The following MACROD2 variants were observed in gnomAD, a reference collection of about 807,000 sequenced individuals.
The protein encoded by MACROD2 is mono-ADP ribosylhydrolase 2.
MACROD2 carries 36 observed loss-of-function variants against 70.4 expected under a neutral mutation model. The ratio of observed to expected loss-of-function variants is 0.51; its 90% CI spans 0.39 to 0.68. MACROD2 has a LOEUF of 0.68. MACROD2 is among the 30% of genes least tolerant of loss of function. The probability of loss-of-function intolerance (pLI) is 0.00; values close to 1 mark genes in which losing one functional copy is unlikely to be tolerated. For synonymous variants in MACROD2, 172 were observed against 178.8 expected (o/e 0.96, Z 0.30); for missense variants, 496 against 538.4 (o/e 0.92, Z 0.78).
At chr20:15,852,531 G>A (rs761217254) in intron 8 of MACROD2, among the ~76,000 whole-genome samples, 10 of 152,192 alleles carry the variant, frequency 6.6e-5, no homozygotes, top group Non-Finnish European at 5.9e-5. Flanking sequence ...GATTGAAGTA[G>A]CAGGTTCTGT....
At chr20:14,384,901 C>T (rs184764868) in intron 3 of MACROD2, among the ~76,000 whole-genome samples, 1 of 152,060 alleles carries the variant, frequency 6.6e-6, no homozygotes, top group Admixed American at 6.5e-5. Flanking sequence ...AAGTTCTTTC[C>T]CTGCCAAGAA....
intron 6 of MACROD2, among the ~76,000 whole-genome samples, chr20:15,413,534 C>T (rs1334656024): frequency 3.9e-5 from 6 of 152,000 alleles, no homozygotes; most frequent in Non-Finnish European, 7.4e-5. Flanking sequence ...GAAGACTTCC[C>T]CTCAGTTAGA....
At position 15,793,426 on chromosome 20, in the gene MACROD2, T is replaced by C. The variant is rs545989873; in HGVS notation, c.646-69319T>C. 2.5e-3 allele frequency among the ~76,000 whole-genome samples: 386 copies of C among 152,314 alleles called. 4 individuals carry two copies. Among genetic ancestry groups the C allele is most frequent in the African/African-American group, 8.8e-3 (367 of 41,572 alleles). Reference sequence around the variant, plus strand: ...CTAGGCTTTTCACTTGATATCTTCCTGTTCATTTAATTTTTAGAAATAGTA... The same window carrying C: ...CTAGGCTTTTCACTTGATATCTTCCCGTTCATTTAATTTTTAGAAATAGTA... On this transcript the variant is annotated intron_variant, in intron 8 of 17. Transcript: ENST00000684519.
intron 6 of MACROD2, among the ~76,000 whole-genome samples, chr20:15,295,975 C>G (rs1429284192): frequency 6.6e-6 from 1 of 152,188 alleles, no homozygotes; most frequent in Non-Finnish European, 1.5e-5. Context: ...CCAGCATGAG[C>G]ACAATCCTAT....
chr20:14,964,889 T>A (rs1320002441), intron 5 of MACROD2, among the ~76,000 whole-genome samples: 1 of 152,176 alleles, frequency 6.6e-6, no homozygotes, highest in Non-Finnish European at 1.5e-5. Flanking sequence ...GAAGCAGGTA[T>A]AGGCGGAATA....
At chr20:13,996,392 T>C (rs1443412632) in intron 1 of MACROD2, 1 of 160,276 alleles carries the variant, frequency 6.2e-6, no homozygotes, top group East Asian at 1.9e-4. Context: ...CCTGGAACTC[T>C]AGGGGAGCCC....
At chr20:15,941,093 C>T (rs940990952) in intron 12 of MACROD2, among the ~76,000 whole-genome samples, 1 of 152,084 alleles carries the variant, frequency 6.6e-6, no homozygotes, top group Non-Finnish European at 1.5e-5. Flanking sequence ...CCATTAATTG[C>T]TTATGCCAGG....
chr20:15,508,581 G>A (rs569783773), intron 8 of MACROD2, among the ~76,000 whole-genome samples: 1 of 152,252 alleles, frequency 6.6e-6, no homozygotes, highest in South Asian at 2.1e-4. Context: ...GACAGTTAAA[G>A]GAAATTTTAA....
In MACROD2 at chr20:14,563,478, G is replaced by A. The variant is rs182633745; in HGVS notation, c.301+69970G>A. Among the ~76,000 whole-genome samples, 259 of 152,056 alleles carry A rather than the reference G, an allele frequency of 1.7e-3. 1 individual carries two copies. In the Middle Eastern group the frequency reaches 0.02, roughly 12 times the overall value. On this transcript the variant is annotated intron_variant, in intron 4 of 17. Transcript: ENST00000684519. ...TATGCTGACAGTACCAAAGTCTGGT[G>A]AGAGTGCAGAGAAACTGGACATCAA... is the stretch of plus-strand genomic sequence containing the variant.
At chr20:14,015,288 A>T (rs566112309) in intron 2 of MACROD2, among the ~76,000 whole-genome samples, 6 of 152,242 alleles carry the variant, frequency 3.9e-5, no homozygotes, top group Admixed American at 3.9e-4. Flanking sequence ...ATATTCCCAG[A>T]TAGAAACTTT....
At chr20:14,445,305 A>G (rs867417081) in intron 3 of MACROD2, among the ~76,000 whole-genome samples, 2 of 152,082 alleles carry the variant, frequency 1.3e-5, no homozygotes, top group Non-Finnish European at 2.9e-5. Flanking sequence ...GCCTAAAGTA[A>G]GCACTCATTA....
At chr20:14,686,138 A>G (rs1441379373) in intron 5 of MACROD2, among the ~76,000 whole-genome samples, 1 of 152,214 alleles carries the variant, frequency 6.6e-6, no homozygotes, top group Admixed American at 6.5e-5. Flanking sequence ...GATGGAACAC[A>G]TATATGGCGG....
intron 3 of MACROD2, chr20:14,127,940 T>C (rs2054673021): frequency 1.9e-6 from 1 of 513,866 alleles, no homozygotes; most frequent in Admixed American, 2.0e-5. Context: ...ATTCTTTGTA[T>C]GTAGAAGACG....
At chr20:14,859,721 A>G (rs1422834297) in intron 5 of MACROD2, among the ~76,000 whole-genome samples, 2 of 152,128 alleles carry the variant, frequency 1.3e-5, no homozygotes, top group Non-Finnish European at 2.9e-5. Context: ...TGCAAATGTT[A>G]TCCATTTTTC....
chr20:14,269,066 G>A (rs889373811), intron 3 of MACROD2, among the ~76,000 whole-genome samples: 2 of 152,132 alleles, frequency 1.3e-5, no homozygotes, highest in African/African-American at 4.8e-5. Context: ...ATGCCTCAGA[G>A]GACTTTTTCA....
chr20:15,249,820 G>A (rs1252182180), intron 6 of MACROD2, among the ~76,000 whole-genome samples: 1 of 152,172 alleles, frequency 6.6e-6, no homozygotes, highest in Admixed American at 6.5e-5. Context: ...GGGCCGAGCT[G>A]GTTCAAAGGT....
intron 2 of MACROD2, among the ~76,000 whole-genome samples, chr20:14,027,286 C>T (rs568862521): frequency 1.1e-4 from 17 of 152,126 alleles, no homozygotes; most frequent in South Asian, 4.1e-4. Context: ...ACGAAGTTCT[C>T]GTGCTGTGTT....
At chr20:15,623,453 A>G (rs1389119232) in intron 8 of MACROD2, among the ~76,000 whole-genome samples, 1 of 152,180 alleles carries the variant, frequency 6.6e-6, no homozygotes, top group Non-Finnish European at 1.5e-5. Flanking sequence ...AGGAGAAGAA[A>G]GCAGATGACT....
intron 4 of MACROD2, among the ~76,000 whole-genome samples, chr20:14,565,661 G>A (rs1032662876): frequency 2.6e-5 from 4 of 151,832 alleles, no homozygotes; most frequent in Admixed American, 6.6e-5. Flanking sequence ...ACGTAACAAT[G>A]TTATTAAAGT....
Sources: allele counts gnomAD v4.1 joint callset (sites outside exome capture counted in the v4.1 genomes callset), GRCh38; gene constraint gnomAD v4.1.1; transcripts MANE v1.5; gene names NCBI Gene and HGNC (gene_info 2026-07-23, HGNC 2026-07-21).